The following SLC16A7 variants were observed in gnomAD, a reference collection of about 807,000 sequenced individuals.
SLC16A7 encodes the protein monocarboxylate transporter 2.
Under a neutral mutation model 34.9 loss-of-function variants are expected in SLC16A7, and 33 were observed. The observed-to-expected ratio is 0.94, with a 90% CI of 0.72 to 1.26. The LOEUF is 1.26. Among genes scored for constraint, SLC16A7 ranks in the 50% most tolerant of loss-of-function variants. The pLI, the probability that SLC16A7 is intolerant of heterozygous loss-of-function variation, is 0.00. For synonymous variants in SLC16A7, 201 were observed against 206.6 expected, an observed-to-expected ratio of 0.97 and a Z score of 0.23; for missense variants, 573 against 578.1, an observed-to-expected ratio of 0.99 and a Z score of 0.09.
At chr12:59,650,036 A>G (rs1023136004) in intron 1 of SLC16A7, among the ~76,000 whole-genome samples, 4 of 152,094 alleles carry the variant, frequency 2.6e-5, no homozygotes, top group Non-Finnish European at 1.5e-5. Context: ...AAGGCATTGC[A>G]TTGTATTAAT....
intron 2 of SLC16A7, chr12:59,696,632 T>C (rs1466348340): frequency 6.6e-6 from 1 of 151,996 alleles, no homozygotes; most frequent in Non-Finnish European, 1.5e-5. Context: ...GTTACAGAAT[T>C]GGGCATAGGA....
chr12:59,683,575 C>A (rs78336974), intron 2 of SLC16A7, among the ~76,000 whole-genome samples: 10,839 of 152,170 alleles, frequency 0.071, 429 homozygotes, highest in Middle Eastern at 0.17. Flanking sequence ...AGGAACTGTT[C>A]CTACAATGTA....
At chr12:59,759,118 A>G (rs1880728787) in intron 3 of SLC16A7, among the ~76,000 whole-genome samples, 1 of 152,032 alleles carries the variant, frequency 6.6e-6, no homozygotes, top group African/African-American at 2.4e-5. Context: ...GAGTATTTTA[A>G]TAATAACCAT....
intron 2 of SLC16A7, among the ~76,000 whole-genome samples, chr12:59,699,691 T>A (rs1452362825): frequency 6.6e-6 from 1 of 151,756 alleles, no homozygotes; most frequent in Non-Finnish European, 1.5e-5. Context: ...TATTCAGAAA[T>A]GACATATGGT....
At chr12:59,733,515 G>T (rs984520328) in intron 3 of SLC16A7, among the ~76,000 whole-genome samples, 1 of 152,164 alleles carries the variant, frequency 6.6e-6, no homozygotes, top group Non-Finnish European at 1.5e-5. Flanking sequence ...TGGGCACTGG[G>T]GAATGCAGTG....
chr12:59,643,248 A>G (rs532418017), intron 1 of SLC16A7, among the ~76,000 whole-genome samples: 7 of 152,294 alleles, frequency 4.6e-5, no homozygotes, highest in African/African-American at 9.6e-5. Flanking sequence ...CATAGAACTA[A>G]TAACATTTCT....
chr12:59,733,943 C>G lies in SLC16A7; in HGVS notation c.217+28925C>G. 5 of 410,984 alleles carry G rather than the reference C, an allele frequency of 1.2e-5. 1 individual carries two copies. The highest frequency in any genetic ancestry group is 8.9e-5 in the South Asian group (5 of 56,108). The allele number at this position is 410,984 out of a possible 1,614,324, so 25.5% of individuals were successfully genotyped here. A position where few individuals can be genotyped will look rare whatever the true frequency, so the allele number is the denominator to read the frequency against. ...GACGTCTGTGTGAGTCTGGCAGAGT[C>G]TGGGGTTTTTAAGGGGTCAGAAGGG... On this transcript the variant is annotated intron_variant, in intron 3 of 5. Transcript: ENST00000547379.
intron 1 of SLC16A7, among the ~76,000 whole-genome samples, chr12:59,652,113 A>C (rs1288094861): frequency 6.6e-6 from 1 of 152,056 alleles, no homozygotes; most frequent in Non-Finnish European, 1.5e-5. Context: ...ACATAGTTTT[A>C]AATATTCCTT....
intron 3 of SLC16A7, among the ~76,000 whole-genome samples, chr12:59,723,629 G>A (rs941287251): frequency 1.3e-5 from 2 of 151,894 alleles, no homozygotes; most frequent in Non-Finnish European, 2.9e-5. Flanking sequence ...TAGTATAAAG[G>A]CAACATACAG....
intron 3 of SLC16A7, among the ~76,000 whole-genome samples, chr12:59,732,669 A>C (rs1305038097): frequency 6.6e-6 from 1 of 152,094 alleles, no homozygotes; most frequent in Non-Finnish European, 1.5e-5. Flanking sequence ...CAATGTTCTT[A>C]ATTTTTGTAC....
At chr12:59,722,182 CA>C (rs1180858840) in intron 3 of SLC16A7, among the ~76,000 whole-genome samples, 1 of 151,944 alleles carries the variant, frequency 6.6e-6, no homozygotes, top group African/African-American at 2.4e-5. Context: ...AATTCTCCTC[CA>C]AACCTGTTGA....
In SLC16A7 at chr12:59,764,729, T is replaced by A. The variant is rs111367375; in HGVS notation, c.218-6490T>A. On this transcript the variant is annotated intron_variant, in intron 3 of 5. Transcript: ENST00000547379. ...TGCCATATTTTCTTAATCCAGTCTA[T>A]CATTGTTGGACATTTGGGTTGGTTC... Among the ~76,000 whole-genome samples, 172 of 152,292 alleles carry A rather than the reference T, an allele frequency of 1.1e-3. 2 individuals are homozygous for A. The highest frequency in any genetic ancestry group is 4.0e-3 in the African/African-American group (168 of 41,562).
intron 5 of SLC16A7, among the ~76,000 whole-genome samples, chr12:59,776,268 G>A (rs1378636819): frequency 6.6e-6 from 1 of 152,154 alleles, no homozygotes; most frequent in African/African-American, 2.4e-5. Context: ...TTAGATTTTT[G>A]TTGGAATTGC....
At chr12:59,767,357 A>AAAT (rs1179481506) in intron 3 of SLC16A7, among the ~76,000 whole-genome samples, 5 of 152,016 alleles carry the variant, frequency 3.3e-5, no homozygotes, top group Admixed American at 2.0e-4. Flanking sequence ...AGTGTTGATG[A>AAAT]AATAGCCTTC....
intron 2 of SLC16A7, among the ~76,000 whole-genome samples, chr12:59,697,560 G>A (rs927500370): frequency 6.6e-6 from 1 of 151,672 alleles, no homozygotes; most frequent in Non-Finnish European, 1.5e-5. Flanking sequence ...TCATTTACTT[G>A]TATATACTGT....
chr12:59,674,599 G>A (rs893438805), intron 2 of SLC16A7, among the ~76,000 whole-genome samples: 8 of 152,192 alleles, frequency 5.3e-5, no homozygotes, highest in Non-Finnish European at 1.0e-4. Context: ...TGTATAGGTA[G>A]TAGGTCTGTT....
At position 59,782,147 on chromosome 12, in the gene SLC16A7, C is replaced by T. The variant is rs1883295136; in HGVS notation, c.*2468C>T. ...AAGCACATGATTTGTACAGTCACACCTGGCAGTAGCACTGCACAGTTACAA... is the reference window on the plus strand; with the variant it reads ...AAGCACATGATTTGTACAGTCACACTTGGCAGTAGCACTGCACAGTTACAA... On this transcript the variant is annotated 3_prime_UTR_variant, in exon 6 of 6. Coordinates refer to ENST00000547379, the MANE Select transcript of SLC16A7 (RefSeq NM_001270623.2). 1 of 152,160 alleles carries T rather than the reference C, an allele frequency of 6.6e-6. No individual in the cohort carries two copies. Among genetic ancestry groups the T allele is most frequent in the Non-Finnish European group, 1.5e-5 (1 of 68,042 alleles). 9.4% of individuals were successfully genotyped at this position (152,160 alleles called of 1,614,324 possible).
chr12:59,611,311 G>C (rs1313450641), intron 1 of SLC16A7, among the ~76,000 whole-genome samples: 1 of 152,170 alleles, frequency 6.6e-6, no homozygotes. Flanking sequence ...GCAGGAGAGA[G>C]AAATGAGTGC....
chr12:59,762,120 G>T (rs944810961), intron 3 of SLC16A7, among the ~76,000 whole-genome samples: 2 of 152,056 alleles, frequency 1.3e-5, no homozygotes, highest in Non-Finnish European at 2.9e-5. Context: ...AATGGAGAGG[G>T]TCTTTGTCAT....
Sources: allele counts gnomAD v4.1 joint callset (sites outside exome capture counted in the v4.1 genomes callset), GRCh38; gene constraint gnomAD v4.1.1; transcripts MANE v1.5; gene names NCBI Gene and HGNC (gene_info 2026-07-23, HGNC 2026-07-21).